CAST: variants seen among roughly 807,000 people sequenced by gnomAD.
CAST encodes the protein calpastatin.
In CAST, 76 loss-of-function variants were observed where a neutral mutation model predicts 119.6. That is an observed-to-expected ratio of 0.64 (90% CI 0.53 to 0.77). The LOEUF is 0.77. CAST is among the 30% of genes least tolerant of loss of function. The pLI is 0.00. For missense variants in CAST, 953 were observed against 946.5 expected (o/e 1.01, Z -0.09); for synonymous variants, 319 against 331.6 (o/e 0.96, Z 0.41).
chr5:96,249,842 T>C, the CAST span, among the ~76,000 whole-genome samples: 1 of 152,218 alleles, frequency 6.6e-6, no homozygotes, highest in African/African-American at 2.4e-5. Flanking sequence ...CCTCATTCAA[T>C]GTTTTAATCT....
At chr5:96,157,107 A>T in the CAST span, among the ~76,000 whole-genome samples, 1 of 152,124 alleles carries the variant, frequency 6.6e-6, no homozygotes, top group African/African-American at 2.4e-5. Flanking sequence ...TTTTTCTCTG[A>T]ACAGATTTAT....
At chr5:96,129,039 G>A in the CAST span, among the ~76,000 whole-genome samples, 804 of 152,182 alleles carry the variant, frequency 5.3e-3, 7 homozygotes, top group African/African-American at 0.019. Context: ...TCTTGCAGCT[G>A]AAATGATAAA....
Position 96,536,540 on chromosome 5 carries a change from C to T in CAST, c.60+6660C>T, listed in dbSNP as rs10476683. On this transcript the variant is annotated intron_variant, in intron 1 of 11. Transcript: ENST00000505143. The stretch of plus-strand genomic sequence containing the variant: ...AGTTGGTCTGTAGAGGATTAATAGG[C>T]GCATAGAAGTAAGGAAGGAGAGGTA... Among the ~76,000 whole-genome samples the T allele has an allele frequency of 6.4e-3, 977 of 151,854 alleles. 12 individuals carry two copies. The highest frequency in any genetic ancestry group is 0.022 in the African/African-American group (912 of 41,388).
chr5:96,705,701 A>C (rs1378001340), intron 3 of CAST, among the ~76,000 whole-genome samples: 1 of 152,138 alleles, frequency 6.6e-6, no homozygotes, highest in Non-Finnish European at 1.5e-5. Context: ...TTCTAATAAT[A>C]GTTCTAATGT....
chr5:95,964,549 G>A, the CAST span, among the ~76,000 whole-genome samples: 1 of 152,172 alleles, frequency 6.6e-6, no homozygotes, highest in African/African-American at 2.4e-5. Flanking sequence ...TTCAAAGAAA[G>A]GAGAAGTCTG....
the CAST span, among the ~76,000 whole-genome samples, chr5:96,033,120 G>C: frequency 6.6e-6 from 1 of 152,030 alleles, no homozygotes; most frequent in Admixed American, 6.6e-5. Context: ...TAACTAAGGA[G>C]ATGAAAGATC....
chr5:96,398,460 T>C, the CAST span, among the ~76,000 whole-genome samples: 1 of 152,212 alleles, frequency 6.6e-6, no homozygotes, highest in Admixed American at 6.5e-5. Flanking sequence ...TTGTTAATCT[T>C]CTCAATCTCC....
intron 1 of CAST, among the ~76,000 whole-genome samples, chr5:96,665,243 A>G (rs1421911): frequency 0.21 from 31,853 of 152,174 alleles, 4,405 homozygotes; most frequent in African/African-American, 0.37. Flanking sequence ...CCAAGGAGCC[A>G]CTTTAACAAC....
chr5:96,270,959 CAA>C, the CAST span, among the ~76,000 whole-genome samples: 1 of 150,886 alleles, frequency 6.6e-6, no homozygotes, highest in Admixed American at 6.6e-5. Context: ...AAGCAACACA[CAA>C]AAAGCAGTAA....
At chr5:95,998,358 C>T in the CAST span, among the ~76,000 whole-genome samples, 27 of 151,910 alleles carry the variant, frequency 1.8e-4, 1 homozygote, top group African/African-American at 6.3e-4. Flanking sequence ...TACCCATCAC[C>T]TGAATAGTGA....
the CAST span, chr5:96,432,214 C>T: frequency 8.2e-7 from 1 of 1,225,446 alleles, no homozygotes; most frequent in Admixed American, 2.0e-5. Context: ...GCCGGAGCTC[C>T]CTAGAGAGTC....
the CAST span, among the ~76,000 whole-genome samples, chr5:96,343,691 C>G: frequency 6.6e-6 from 1 of 152,162 alleles, no homozygotes; most frequent in Non-Finnish European, 1.5e-5. Context: ...CATTTCAAAG[C>G]CACAGAACTA....
rs750006076 is a variant in CAST, at chr5:96,771,660, C to G, written c.2357C>G (p.Ser786Cys). Reference sequence around the variant, plus strand: ...CCCTTTTAGACAACAGAGGAAACTTCCAAGCCAAAAGATGACTAAAGAAAT... The same window carrying G: ...CCCTTTTAGACAACAGAGGAAACTTGCAAGCCAAAAGATGACTAAAGAAAT... ...KDSAKTTEET[S>C]KPKDD Residue 786 changes from serine to cysteine, a missense_variant, in exon 31 of 32, where the codon TCC becomes TGC. Physicochemically the swap from Ser to Cys is moderately radical, Grantham distance 112. Transcript: ENST00000675179. 5.0e-6 allele frequency: 8 copies of G among 1,611,832 alleles called. No homozygotes were observed. The highest frequency in any genetic ancestry group is 1.1e-5 in the South Asian group (1 of 90,876).
At chr5:96,629,086 C>G (rs77424934) in intron 1 of CAST, among the ~76,000 whole-genome samples, 4 of 151,512 alleles carry the variant, frequency 2.6e-5, no homozygotes, top group Non-Finnish European at 4.4e-5. Context: ...GCCTTAAACC[C>G]GATACAACAG....
At chr5:96,462,896 T>G in the CAST span, among the ~76,000 whole-genome samples, 1 of 152,120 alleles carries the variant, frequency 6.6e-6, no homozygotes, top group Non-Finnish European at 1.5e-5. Context: ...CCTGCTGTCT[T>G]GTGAAGAAGG....
the CAST span, chr5:96,431,995 C>T: frequency 1.1e-6 from 1 of 897,150 alleles, no homozygotes. Flanking sequence ...TCTTGACGCC[C>T]ACCCACCTCC....
At chr5:96,022,568 G>A in the CAST span, among the ~76,000 whole-genome samples, 2 of 152,152 alleles carry the variant, frequency 1.3e-5, no homozygotes, top group African/African-American at 4.8e-5. Context: ...ATATGAACAG[G>A]CTGGTCTATT....
chr5:96,170,003 A>C, the CAST span, among the ~76,000 whole-genome samples: 285 of 152,280 alleles, frequency 1.9e-3, no homozygotes, highest in Non-Finnish European at 3.2e-3. Flanking sequence ...GCAAAGGAAC[A>C]AGGCCCTTGA....
chr5:96,073,304 A>G, the CAST span, among the ~76,000 whole-genome samples: 1 of 152,238 alleles, frequency 6.6e-6, no homozygotes, highest in Non-Finnish European at 1.5e-5. Context: ...TGTATTGAGC[A>G]CTTAGGATAC....
Sources: allele counts gnomAD v4.1 joint callset (sites outside exome capture counted in the v4.1 genomes callset), GRCh38; gene constraint gnomAD v4.1.1; transcripts MANE v1.5; gene names NCBI Gene and HGNC (gene_info 2026-07-23, HGNC 2026-07-21).